PLXDC2: variants seen among roughly 807,000 people sequenced by gnomAD.
The protein encoded by PLXDC2 is plexin domain containing 2.
Under a neutral mutation model 68.9 loss-of-function variants are expected in PLXDC2, and 40 were observed. The observed-to-expected ratio is 0.58, with a 90% CI of 0.45 to 0.76. The LOEUF (loss-of-function observed/expected upper bound fraction) is 0.76, where lower values mean the gene tolerates loss of function less well. Among genes scored for constraint, PLXDC2 ranks in the 30% least tolerant of loss-of-function variants. The pLI is 0.00. For missense variants in PLXDC2, 644 were observed against 661.9 expected, an observed-to-expected ratio of 0.97 and a Z score of 0.30; for synonymous variants, 243 against 234.2, an observed-to-expected ratio of 1.04 and a Z score of -0.34.
chr10:20,229,458 T>C (rs1215287090), intron 12 of PLXDC2, among the ~76,000 whole-genome samples: 4 of 146,418 alleles, frequency 2.7e-5, no homozygotes, highest in African/African-American at 1.0e-4. Context: ...TGAATTTTGT[T>C]CACGTGTGCT....
Position 20,130,308 on chromosome 10 carries a change from G to A in PLXDC2, c.542-12987G>A, listed in dbSNP as rs545779668. On this transcript the variant is annotated intron_variant, in intron 4 of 13. Transcript: ENST00000377252. Reference sequence around the variant, plus strand: ...TGTTAATTTCTATTTTGGATAGTTTGTTGTTAGTGTATAGAAACACAACTG... The same window carrying A: ...TGTTAATTTCTATTTTGGATAGTTTATTGTTAGTGTATAGAAACACAACTG... Among the ~76,000 whole-genome samples, 14 of 152,066 alleles carry A rather than the reference G, an allele frequency of 9.2e-5. No homozygotes were observed. In the South Asian group the frequency reaches 2.3e-3, roughly 25 times the overall value.
chr10:20,009,811 A>G (rs1835081308), intron 2 of PLXDC2, among the ~76,000 whole-genome samples: 1 of 151,098 alleles, frequency 6.6e-6, no homozygotes, highest in African/African-American at 2.4e-5. Context: ...TAAGGTGTTT[A>G]GAATTTATCA....
At chr10:19,959,056 T>C (rs945362488) in intron 1 of PLXDC2, among the ~76,000 whole-genome samples, 1 of 152,196 alleles carries the variant, frequency 6.6e-6, no homozygotes, top group Admixed American at 6.5e-5. Context: ...TTCTTTGTGA[T>C]TTCTGAATAG....
intron 1 of PLXDC2, among the ~76,000 whole-genome samples, chr10:19,914,926 A>G (rs114239346): frequency 0.018 from 2,761 of 152,294 alleles, 99 homozygotes; most frequent in African/African-American, 0.063. Context: ...TAGCCACTCT[A>G]GCTACTAATG....
chr10:19,937,837 G>A (rs1833753015), intron 1 of PLXDC2, among the ~76,000 whole-genome samples: 1 of 152,042 alleles, frequency 6.6e-6, no homozygotes, highest in African/African-American at 2.4e-5. Context: ...AGGCAGAGAA[G>A]GAGGCAACGT....
At chr10:19,843,060 AT>A (rs1161840583) in intron 1 of PLXDC2, among the ~76,000 whole-genome samples, 20 of 151,196 alleles carry the variant, frequency 1.3e-4, no homozygotes, top group East Asian at 3.9e-4. Context: ...CTTATGTCAT[AT>A]TTTTTTTTCT....
At chr10:19,990,102 T>TA (rs1368094161) in intron 1 of PLXDC2, among the ~76,000 whole-genome samples, 1 of 152,110 alleles carries the variant, frequency 6.6e-6, no homozygotes, top group African/African-American at 2.4e-5. Flanking sequence ...ATTTTTTTTT[T>TA]ATTTATACAA....
At chr10:19,997,117 A>T (rs1274264520) in intron 1 of PLXDC2, among the ~76,000 whole-genome samples, 1 of 152,182 alleles carries the variant, frequency 6.6e-6, no homozygotes, top group Non-Finnish European at 1.5e-5. Flanking sequence ...GGTCCCATTC[A>T]ACTCCTTAGT....
At chr10:19,989,978 G>C (rs990316431) in intron 1 of PLXDC2, among the ~76,000 whole-genome samples, 3 of 151,912 alleles carry the variant, frequency 2.0e-5, no homozygotes, top group African/African-American at 7.3e-5. Flanking sequence ...TCAAACTCCT[G>C]ACCTCCTGAT....
chr10:19,883,914 C>A, intron 1 of PLXDC2, among the ~76,000 whole-genome samples: 2 of 16,550 alleles, frequency 1.2e-4, no homozygotes, highest in East Asian at 2.6e-3. Flanking sequence ...TTTTTTTTAG[C>A]AGACAGGATC....
chr10:20,201,455 T>C (rs13376761), intron 9 of PLXDC2, among the ~76,000 whole-genome samples: 1 of 151,942 alleles, frequency 6.6e-6, no homozygotes, highest in Non-Finnish European at 1.5e-5. Context: ...TATAGCTAGA[T>C]AGGAGTAAGT....
intron 2 of PLXDC2, among the ~76,000 whole-genome samples, chr10:20,040,455 G>T (rs1055583611): frequency 3.3e-5 from 5 of 152,116 alleles, no homozygotes; most frequent in South Asian, 2.1e-4. Context: ...GCACTTGTAC[G>T]TGTTTCTACT....
chr10:19,991,345 C>CT (rs1484865318), intron 1 of PLXDC2, among the ~76,000 whole-genome samples: 1 of 107,242 alleles, frequency 9.3e-6, no homozygotes, highest in East Asian at 2.1e-4. Flanking sequence ...TCATCATTTT[C>CT]CCTTTTTTTT....
At chr10:20,143,535 A>G in intron 5 of PLXDC2, 118 bp downstream of exon 5, 1 of 1,252,656 alleles carries the variant, frequency 8.0e-7, no homozygotes, top group South Asian at 1.4e-5. Context: ...CTTGATGCAA[A>G]TGGTCTGAGA....
chr10:19,871,903 A>G (rs1837545965), intron 1 of PLXDC2, among the ~76,000 whole-genome samples: 2 of 151,538 alleles, frequency 1.3e-5, no homozygotes, highest in Non-Finnish European at 2.9e-5. Context: ...AAAAAAACAC[A>G]AAAAACTTAC....
chr10:20,000,323 A>G (rs1037501867), intron 1 of PLXDC2, among the ~76,000 whole-genome samples: 2 of 151,300 alleles, frequency 1.3e-5, no homozygotes, highest in Admixed American at 6.6e-5. Context: ...AATAAAAAGA[A>G]CACAATGCTA....
intron 4 of PLXDC2, among the ~76,000 whole-genome samples, chr10:20,117,972 T>C (rs1171843635): frequency 1.3e-5 from 2 of 152,184 alleles, no homozygotes; most frequent in African/African-American, 2.4e-5. Context: ...ATACTCGATA[T>C]GTGTTTTGTA....
intron 1 of PLXDC2, among the ~76,000 whole-genome samples, chr10:19,828,778 A>G (rs1836625402): frequency 6.6e-6 from 1 of 151,904 alleles, no homozygotes; most frequent in Non-Finnish European, 1.5e-5. Context: ...TTTTTTTTTA[A>G]GCCAAGGACT....
chr10:20,211,623 C>T (rs773909916), intron 9 of PLXDC2, 46 bp from the exon 10 acceptor site: 2 of 1,582,160 alleles, frequency 1.3e-6, no homozygotes, highest in Non-Finnish European at 1.7e-6. Flanking sequence ...CACCACCCTG[C>T]ACCCTATCCT....
Sources: gnomAD v4.1 joint callset for allele counts (sites outside exome capture counted in the v4.1 genomes callset) on GRCh38, gnomAD v4.1.1 for gene constraint, MANE v1.5 for transcripts, NCBI Gene and HGNC (gene_info 2026-07-23, HGNC 2026-07-21) for gene names.